Variants in HECW1 observed in about 807,000 individuals in gnomAD.
HECW1 encodes the protein HECT, C2 and WW domain containing E3 ubiquitin protein ligase 1, also known as E3 ubiquitin-protein ligase HECW1.
HECW1 carries 61 observed loss-of-function variants against 182.3 expected under a neutral mutation model. The ratio of observed to expected loss-of-function variants is 0.33; its 90% CI spans 0.27 to 0.41. The LOEUF (loss-of-function observed/expected upper bound fraction) is 0.41. Among genes scored for constraint, HECW1 ranks in the 10% least tolerant of loss-of-function variants. The pLI is 1.00. For missense variants in HECW1, 1,739 were observed against 2,108.9 expected (o/e 0.82, Z 3.44); for synonymous variants, 859 against 832.6 (o/e 1.03, Z -0.55).
chr7:43,490,207 G>A (rs1273773351), intron 17 of HECW1, among the ~76,000 whole-genome samples: 2 of 152,206 alleles, frequency 1.3e-5, no homozygotes, highest in African/African-American at 4.8e-5. Context: ...CCAAGCTTCA[G>A]TCAGTTGCAG....
At chr7:43,380,044 G>A (rs1375248460) in intron 6 of HECW1, among the ~76,000 whole-genome samples, 1 of 152,088 alleles carries the variant, frequency 6.6e-6, no homozygotes, top group Admixed American at 6.5e-5. Context: ...ATAACTTGGT[G>A]GCCTTGGGCC....
At chr7:43,517,337 C>G (rs533989717) in intron 24 of HECW1, among the ~76,000 whole-genome samples, 1 of 151,908 alleles carries the variant, frequency 6.6e-6, no homozygotes, top group South Asian at 2.1e-4. Context: ...ACAGACTCCC[C>G]TGCCCCCTTC....
In HECW1 at chr7:43,243,741, C is replaced by G; in HGVS notation, c.-31-134C>G. On this transcript the variant is annotated intron_variant, in intron 2 of 29. Transcript: ENST00000395891. This position sits in a 1 kb window ranked among gnomAD's most constrained non-coding sequence, Gnocchi z 4.0. ...TGAGTGTGGTCCTTGTGTGATTTTT[C>G]CTTTTGCACGTCGGTTGCCCAGGCC... The G allele has an allele frequency of 1.4e-6, 1 of 706,970 alleles. No homozygotes were observed. Among genetic ancestry groups the G allele is most frequent in the Non-Finnish European group, 2.6e-6 (1 of 383,170 alleles). 43.8% of individuals were successfully genotyped at this position (706,970 alleles called of 1,614,324 possible). A position where few individuals can be genotyped will look rare whatever the true frequency, so the allele number is the denominator to read the frequency against.
intron 26 of HECW1, among the ~76,000 whole-genome samples, chr7:43,546,592 G>T (rs1227356807): frequency 1.3e-5 from 2 of 148,924 alleles, no homozygotes; most frequent in African/African-American, 5.0e-5. Context: ...GGGGTTCTGG[G>T]TGGCCAAGGG....
chr7:43,344,987 G>A (rs936210213), intron 5 of HECW1, among the ~76,000 whole-genome samples: 3 of 152,034 alleles, frequency 2.0e-5, no homozygotes, highest in Non-Finnish European at 4.4e-5. Flanking sequence ...TTTAGAAAGG[G>A]GACTTTATTT....
intron 2 of HECW1, among the ~76,000 whole-genome samples, chr7:43,222,731 T>C (rs1049549295): frequency 6.6e-6 from 1 of 152,170 alleles, no homozygotes; most frequent in African/African-American, 2.4e-5. Context: ...CTTCCCATGG[T>C]CACAGGTGAC....
At chr7:43,330,407 T>C (rs748530496) in intron 5 of HECW1, among the ~76,000 whole-genome samples, 37 of 152,198 alleles carry the variant, frequency 2.4e-4, no homozygotes, top group Non-Finnish European at 3.8e-4. Context: ...GGCAACAGCA[T>C]GTGAGATCCG....
At chr7:43,193,855 A>C (rs1245225596) in intron 2 of HECW1, among the ~76,000 whole-genome samples, 1 of 152,070 alleles carries the variant, frequency 6.6e-6, no homozygotes, top group Non-Finnish European at 1.5e-5. Context: ...TATGTACTCT[A>C]ACAGAAAGAC....
At chr7:43,141,032 C>T (rs1788095924) in intron 2 of HECW1, among the ~76,000 whole-genome samples, 1 of 152,196 alleles carries the variant, frequency 6.6e-6, no homozygotes, top group African/African-American at 2.4e-5. Context: ...TGTCTTAATA[C>T]AGCCATGCGG....
At chr7:43,418,073 G>A (rs1374513534) in intron 8 of HECW1, among the ~76,000 whole-genome samples, 1 of 152,098 alleles carries the variant, frequency 6.6e-6, no homozygotes, top group African/African-American at 2.4e-5. Flanking sequence ...GCAATTCTTG[G>A]CATTCTTGGC....
intron 2 of HECW1, among the ~76,000 whole-genome samples, chr7:43,143,276 C>T (rs891822661): frequency 6.6e-6 from 1 of 151,900 alleles, no homozygotes; most frequent in South Asian, 2.1e-4. Flanking sequence ...CGGCCAAGGC[C>T]GCCTTTCTTT....
At chr7:43,361,860 G>A (rs147556874) in intron 6 of HECW1, among the ~76,000 whole-genome samples, 20 of 126,192 alleles carry the variant, frequency 1.6e-4, no homozygotes, top group Non-Finnish European at 2.7e-4. Flanking sequence ...AAAAAAACAG[G>A]CCAGGCGCAG....
intron 24 of HECW1, among the ~76,000 whole-genome samples, chr7:43,515,274 A>C (rs921005319): frequency 5.3e-5 from 8 of 152,164 alleles, no homozygotes; most frequent in African/African-American, 1.7e-4. Context: ...GGGTTTTGTC[A>C]TGAAGATGAC....
intron 3 of HECW1, among the ~76,000 whole-genome samples, chr7:43,297,401 G>T (rs954109918): frequency 1.3e-5 from 2 of 152,156 alleles, no homozygotes; most frequent in Non-Finnish European, 2.9e-5. Context: ...CTTTCAGATT[G>T]TTTTTGCATG....
At position 43,169,248 on chromosome 7, in the gene HECW1, G is replaced by A. The variant is rs79307354; in HGVS notation, c.-32+54857G>A. Among the ~76,000 whole-genome samples the A allele has an allele frequency of 1.5e-3, 234 of 152,326 alleles. 1 individual carries two copies. The highest frequency in any genetic ancestry group is 5.0e-3 in the African/African-American group (209 of 41,568). On this transcript the variant is annotated intron_variant, in intron 2 of 29. Coordinates refer to ENST00000395891, the MANE Select transcript of HECW1 (RefSeq NM_015052.5). ...AAGTTAGATGAGATCCGGAAGTTCA[G>A]GAAATACCTGTATGGAGGTGAAATG...
intron 8 of HECW1, among the ~76,000 whole-genome samples, chr7:43,414,180 A>C (rs917834380): frequency 1.3e-5 from 2 of 151,248 alleles, no homozygotes; most frequent in African/African-American, 4.9e-5. Context: ...CATCCCTTGT[A>C]AGTTGGATTC....
At chr7:43,496,521 C>T (rs1054290958) in intron 19 of HECW1, among the ~76,000 whole-genome samples, 15 of 152,108 alleles carry the variant, frequency 9.9e-5, no homozygotes, top group African/African-American at 3.4e-4. Context: ...GAGGCATCCA[C>T]CTGCCCCTGA....
At chr7:43,442,260 G>C (rs914738082) in intron 9 of HECW1, among the ~76,000 whole-genome samples, 1 of 152,210 alleles carries the variant, frequency 6.6e-6, no homozygotes, top group African/African-American at 2.4e-5. Flanking sequence ...TCTAGGCTAA[G>C]CTATGATGTT....
chr7:43,402,137 C>T (rs2075440298), intron 7 of HECW1, among the ~76,000 whole-genome samples: 1 of 152,126 alleles, frequency 6.6e-6, no homozygotes, highest in African/African-American at 2.4e-5. Flanking sequence ...CTGCATTCAC[C>T]ATCCTTCAGG....
Sources: allele counts gnomAD v4.1 joint callset (sites outside exome capture counted in the v4.1 genomes callset), GRCh38; gene constraint gnomAD v4.1.1; non-coding constraint Gnocchi (gnomAD v3.1); transcripts MANE v1.5; gene names NCBI Gene and HGNC (gene_info 2026-07-23, HGNC 2026-07-21).